The following UPF2 variants were observed in gnomAD, a reference collection of about 807,000 sequenced individuals.
UPF2 encodes regulator of nonsense transcripts 2.
UPF2 carries 17 observed loss-of-function variants against 141.4 expected under a neutral mutation model. That is an observed-to-expected ratio of 0.12 (90% CI 0.08 to 0.18). The LOEUF (loss-of-function observed/expected upper bound fraction) is 0.18, where lower values mean the gene tolerates loss of function less well. Among genes scored for constraint, UPF2 ranks in the 10% least tolerant of loss-of-function variants. The pLI, the probability that UPF2 is intolerant of heterozygous loss-of-function variation, is 1.00. For missense variants in UPF2, 1,152 were observed against 1,515.9 expected (o/e 0.76, Z 3.99); for synonymous variants, 540 against 498.0 (o/e 1.08, Z -1.12).
chr10:11,930,260 A>G (rs1190173718), intron 20 of UPF2, among the ~76,000 whole-genome samples: 2 of 152,234 alleles, frequency 1.3e-5, no homozygotes, highest in Non-Finnish European at 2.9e-5. Flanking sequence ...GAGGCAGTGC[A>G]TTGCAATAGC....
intron 9 of UPF2, among the ~76,000 whole-genome samples, chr10:11,970,068 G>C (rs1833390254): frequency 6.6e-6 from 1 of 152,190 alleles, no homozygotes; most frequent in African/African-American, 2.4e-5. Flanking sequence ...GAGTTAGAAT[G>C]TCTGTGCTCT....
rs1215637542 is a variant in UPF2 at position 12,000,073 on chromosome 10, A to G, written c.1655-64T>C. On this transcript the variant is annotated intron_variant, in intron 6 of 21. Transcript: ENST00000357604. ...AGAGAACACAGAATAAAAACATCCA[A>G]TGATGAATTATTTGGAAAATAGATA... 15 of 1,339,236 alleles carry G rather than the reference A, an allele frequency of 1.1e-5. No individual in the cohort carries two copies. The East Asian group carries it at 3.6e-4, about 32-fold the overall frequency. The allele number at this position is 1,339,236 out of a possible 1,614,324, so 83.0% of individuals were successfully genotyped here.
rs146336753 is a variant in UPF2, at chr10:11,966,511, A to G, written c.2067+830T>C. On this transcript the variant is annotated intron_variant, in intron 10 of 21. Transcript: ENST00000357604. ...GTGATCTTGGCGCACCACAACCTCC[A>G]CCTCCTGGGTTCAAGTGATTCTCCT... Among the ~76,000 whole-genome samples, 237 of 151,902 alleles carry G rather than the reference A, an allele frequency of 1.6e-3. 1 individual carries two copies. The highest frequency in any genetic ancestry group is 5.3e-3 in the African/African-American group (219 of 41,398).
chr10:11,963,160 G>A (rs1833266563), intron 11 of UPF2, among the ~76,000 whole-genome samples: 1 of 152,050 alleles, frequency 6.6e-6, no homozygotes, highest in African/African-American at 2.4e-5. Flanking sequence ...TCTGGTTTAA[G>A]TACCTCCTCC....
chr10:11,944,313 G>T (rs1028087733), intron 16 of UPF2, among the ~76,000 whole-genome samples: 3 of 152,104 alleles, frequency 2.0e-5, no homozygotes, highest in African/African-American at 7.2e-5. Context: ...GGCCAACATG[G>T]CGAAACCCCG....
chr10:11,972,210 C>G (rs907842578), intron 9 of UPF2, among the ~76,000 whole-genome samples: 2 of 152,134 alleles, frequency 1.3e-5, no homozygotes, highest in South Asian at 2.1e-4. Context: ...TCTAGAAGGG[C>G]CAAATAGTTA....
rs1003704868 is a variant in UPF2 at position 11,979,805 on chromosome 10, T to C, written c.1845-640A>G. 1.3e-5 allele frequency among the ~76,000 whole-genome samples: 2 copies of C among 152,080 alleles called. No homozygotes were observed. The highest frequency in any genetic ancestry group is 4.8e-5 in the African/African-American group (2 of 41,404). On this transcript the variant is annotated intron_variant, in intron 8 of 21. Transcript: ENST00000357604. The surrounding 1 kb of genome is among the most constrained non-coding windows in gnomAD (Gnocchi z 6.2). ...CTGTAGTCACAGCTACTCGGGAGGC[T>C]AAGGCAGGAGAATTGCTTGAACCCA...
At chr10:11,933,874 T>C (rs1832811221) in intron 19 of UPF2, among the ~76,000 whole-genome samples, 1 of 152,184 alleles carries the variant, frequency 6.6e-6, no homozygotes, top group African/African-American at 2.4e-5. Flanking sequence ...ATTCCTAAAC[T>C]CTCTTTTAGT....
intron 21 of UPF2, among the ~76,000 whole-genome samples, chr10:11,929,517 G>C (rs1022461268): frequency 6.6e-6 from 1 of 152,096 alleles, no homozygotes; most frequent in Non-Finnish European, 1.5e-5. Context: ...CATGCCTATA[G>C]TCCCAGCTAC....
chr10:11,964,207 G>GA, intron 10 of UPF2, 82 bp from the exon 11 acceptor site: 1 of 977,884 alleles, frequency 1.0e-6, no homozygotes, highest in Non-Finnish European at 1.5e-6. Context: ...TCTAATGTGT[G>GA]TAACAACTTG....
In UPF2 at chr10:12,029,161, G is replaced by A. The variant is rs1834471306; in HGVS notation, c.729C>T (p.Val243=). The A allele has an allele frequency of 6.2e-7, 1 of 1,614,192 alleles. No individual in the cohort carries two copies. The highest frequency in any genetic ancestry group is 1.3e-5 in the African/African-American group (1 of 75,042). The change falls in exon 3 of 22, where the codon GTC becomes GTT. Residue 243 remains valine, a synonymous_variant. Transcript: ENST00000357604. ...YADFAPSLLQ[V]WKKHFEARKE... ...TCCTTGCTTCAAAATGTTTTTTCCAGACCTGAAGAAGTGATGGGGCAAAGT... is the reference window on the plus strand; with the variant it reads ...TCCTTGCTTCAAAATGTTTTTTCCAAACCTGAAGAAGTGATGGGGCAAAGT...
In UPF2 at chr10:11,936,703, C is replaced by T. The variant is rs1309538946; in HGVS notation, c.3388G>A (p.Gly1130Ser). Residue 1130 changes from glycine (G) to serine (S), a missense_variant, in exon 19 of 22, where the codon GGT (glycine) becomes AGT (serine). Coordinates refer to ENST00000357604, the MANE Select transcript of UPF2 (RefSeq NM_015542.4). The surrounding 1 kb of genome is among the most constrained non-coding windows in gnomAD (Gnocchi z 6.6). Reference sequence around the variant, plus strand: ...AGTTGGTGCACTTTAACAGATTCACCACTTCGTTGCTAAAAGAAATTAAAA... The same window carrying T: ...AGTTGGTGCACTTTAACAGATTCACTACTTCGTTGCTAAAAGAAATTAAAA... ...MMLENLQQRS[G>S]ESVKVHQLDV... 1.0e-5 allele frequency: 16 copies of T among 1,602,890 alleles called. No homozygotes were observed. The Admixed American group carries it at 2.6e-4, about 26-fold the overall frequency.
intron 18 of UPF2, 96 bp downstream of exon 18, chr10:11,942,569 A>C: frequency 2.8e-6 from 3 of 1,062,492 alleles, no homozygotes; most frequent in Non-Finnish European, 4.2e-6. Context: ...TGCAGAAGAG[A>C]CACTTAGATA....
intron 14 of UPF2, 56 bp downstream of exon 14, chr10:11,955,176 T>C (rs1230935193): frequency 6.8e-7 from 1 of 1,474,968 alleles, no homozygotes; most frequent in Non-Finnish European, 9.0e-7. Context: ...TAGTATTCTT[T>C]TAAAACACAT....
rs535440874 is a variant in UPF2, at chr10:12,001,661, A to T, written c.1654+15T>A. ...AAACCAATTAAAAATGAAAGTTGGT[A>T]AATTAGTTCTTTACCTTGTTCATCA... is the stretch of plus-strand genomic sequence containing the variant. On this transcript the variant is annotated intron_variant, in intron 6 of 21. Transcript: ENST00000357604. The T allele has an allele frequency of 3.2e-6, 5 of 1,582,500 alleles. No homozygotes were observed. The African/African-American group carries it at 6.9e-5, about 22-fold the overall frequency.
In UPF2 at chr10:11,956,516, C is replaced by G; in HGVS notation, c.2378G>C (p.Arg793Thr). Residue 793 changes from arginine (R) to threonine (T), a missense_variant, in exon 13 of 22, where the codon AGA (arginine) becomes ACA (threonine). Around this residue, in one of 4 missense-constraint regions of UPF2, gnomAD observed 739 missense variants for 1,032.2 expected, o/e 0.72. Transcript: ENST00000357604. This position sits in a 1 kb window ranked among gnomAD's most constrained non-coding sequence, Gnocchi z 4.2. ...CTGCCAGGGCAGCTTTCGCATCTGT[C>G]TCAAAACCTAAAAAAAGAGAATTTT... is the stretch of plus-strand genomic sequence containing the variant. Reference protein sequence around the residue: ...LSKVTTEKVLRQMRKLPWQDQ... With the variant: ...LSKVTTEKVLTQMRKLPWQDQ... 1 of 1,613,118 alleles carries G rather than the reference C, an allele frequency of 6.2e-7. No individual in the cohort carries two copies. The highest frequency in any genetic ancestry group is 1.1e-5 in the South Asian group (1 of 90,914).
chr10:12,034,727 C>A (rs1286171925), intron 2 of UPF2, among the ~76,000 whole-genome samples: 1 of 152,072 alleles, frequency 6.6e-6, no homozygotes, highest in Non-Finnish European at 1.5e-5. Context: ...ATCACTTGAA[C>A]CCAGGAGGCG....
At position 12,029,260 on chromosome 10, in the gene UPF2, C is replaced by T. The variant is rs1834473299; in HGVS notation, c.630G>A (p.Val210=). The T allele has an allele frequency of 1.9e-6, 3 of 1,613,964 alleles. No individual in the cohort carries two copies. The South Asian group carries it at 3.3e-5, about 18-fold the overall frequency. The change falls in exon 3 of 22, where the codon GTG becomes GTA. Residue 210 remains valine (V), a synonymous_variant. Transcript: ENST00000357604. ...CATCAGAGATTTTTAGTTTTGCTTCCACGATGGAAGCTACAGCTTCTGCAA... is the reference window on the plus strand; with the variant it reads ...CATCAGAGATTTTTAGTTTTGCTTCTACGATGGAAGCTACAGCTTCTGCAA... The part of the protein sequence containing the change: ...KYIAEAVASI[V]EAKLKISDVN...
chr10:11,986,223 A>T lies in UPF2; in HGVS notation c.1845-7058T>A, dbSNP rs141687077. Among the ~76,000 whole-genome samples the T allele has an allele frequency of 1.5e-3, 235 of 152,246 alleles. 1 individual carries two copies. Among genetic ancestry groups the T allele is most frequent in the African/African-American group, 5.2e-3 (217 of 41,550 alleles). ...GAAAACGGAATTCTATAATCTCATA[A>T]GATGGCGAAAATTACGTTTACCAAC... is the stretch of plus-strand genomic sequence containing the variant. On this transcript the variant is annotated intron_variant, in intron 8 of 21. Coordinates refer to ENST00000357604, the MANE Select transcript of UPF2 (RefSeq NM_015542.4).
Sources: gnomAD v4.1 joint callset for allele counts (sites outside exome capture counted in the v4.1 genomes callset) on GRCh38, gnomAD v4.1.1 for gene constraint, gnomAD v4.1.1 regional missense constraint, Gnocchi (gnomAD v3.1) non-coding constraint, MANE v1.5 for transcripts, NCBI Gene and HGNC (gene_info 2026-07-23, HGNC 2026-07-21) for gene names.